ITGBL1: variants seen among roughly 807,000 people sequenced by gnomAD.
ITGBL1 encodes integrin subunit beta like 1, also known as integrin beta-like protein 1.
A neutral mutation model predicts 68.5 loss-of-function variants in ITGBL1; 51 were observed. The ratio of observed to expected loss-of-function variants is 0.74; its 90% CI spans 0.59 to 0.94. The LOEUF is 0.94. Among genes scored for constraint, ITGBL1 ranks in the 40% least tolerant of loss-of-function variants. ITGBL1 has a pLI of 0.00. For synonymous variants in ITGBL1, 209 were observed against 227.3 expected (o/e 0.92, Z 0.72); for missense variants, 649 against 647.4 (o/e 1.00, Z -0.03).
Position 101,714,478 on chromosome 13 carries a change from G to A in ITGBL1, c.1320G>A (p.Glu440=), listed in dbSNP as rs996790086. The change falls in exon 10 of 11, where the codon GAG becomes GAA. Residue 440 remains glutamate (E), a synonymous_variant. Transcript: ENST00000376180. Reference sequence around the variant, plus strand: ...GGAAGTGCATTTGTTCTGCTGAAGAGTGGTATATTTCTGGGGAGTTCTGTG... The same window carrying A: ...GGAAGTGCATTTGTTCTGCTGAAGAATGGTATATTTCTGGGGAGTTCTGTG... The part of the protein sequence containing the change: ...HCGKCICSAE[E]WYISGEFCDC... The A allele has an allele frequency of 6.2e-7, 1 of 1,612,778 alleles. No individual in the cohort carries two copies. The highest frequency in any genetic ancestry group is 8.5e-7 in the Non-Finnish European group (1 of 1,178,886).
chr13:101,530,248 T>C (rs1306925439), intron 2 of ITGBL1, among the ~76,000 whole-genome samples: 1 of 151,978 alleles, frequency 6.6e-6, no homozygotes, highest in African/African-American at 2.4e-5. Context: ...AATGTAATTA[T>C]ATATAGAGAG....
intron 5 of ITGBL1, among the ~76,000 whole-genome samples, chr13:101,582,121 G>A (rs892302070): frequency 2.6e-5 from 4 of 151,916 alleles, no homozygotes; most frequent in Non-Finnish European, 5.9e-5. Flanking sequence ...TTCACTTTGG[G>A]CATATTAATC....
chr13:101,587,368 C>T (rs771767288), intron 6 of ITGBL1, among the ~76,000 whole-genome samples: 1 of 152,160 alleles, frequency 6.6e-6, no homozygotes, highest in African/African-American at 2.4e-5. Context: ...TTTGCCCATA[C>T]ACCAACATGA....
chr13:101,681,311 T>A (rs12872355), intron 7 of ITGBL1, among the ~76,000 whole-genome samples: 3,560 of 152,158 alleles, frequency 0.023, 54 homozygotes, highest in South Asian at 0.038. Flanking sequence ...GTGTGCGTGT[T>A]GCATATTCAG....
chr13:101,690,880 C>T (rs2033869529), intron 7 of ITGBL1, among the ~76,000 whole-genome samples: 1 of 150,380 alleles, frequency 6.6e-6, no homozygotes, highest in South Asian at 2.1e-4. Context: ...TGATTACAAA[C>T]AACAAAACCA....
intron 2 of ITGBL1, among the ~76,000 whole-genome samples, chr13:101,514,007 C>T (rs1333362249): frequency 6.6e-6 from 1 of 151,750 alleles, no homozygotes; most frequent in African/African-American, 2.4e-5. Flanking sequence ...AGTTAATGCC[C>T]TAAATTTAAT....
chr13:101,657,062 CGTCA>C (rs1457024939), intron 7 of ITGBL1, among the ~76,000 whole-genome samples: 2 of 151,744 alleles, frequency 1.3e-5, no homozygotes, highest in Non-Finnish European at 2.9e-5. Flanking sequence ...CCCACTAACT[CGTCA>C]GTATTGCTTC....
chr13:101,560,163 G>C (rs1366904773), intron 2 of ITGBL1, among the ~76,000 whole-genome samples: 1 of 152,138 alleles, frequency 6.6e-6, no homozygotes, highest in East Asian at 1.9e-4. Context: ...TAGAATTCTA[G>C]ATGTTACATT....
intron 7 of ITGBL1, among the ~76,000 whole-genome samples, chr13:101,659,697 G>A (rs1011334066): frequency 2.6e-5 from 4 of 152,136 alleles, no homozygotes; most frequent in Non-Finnish European, 4.4e-5. Context: ...TCCTGACCTC[G>A]TGATCCACCC....
intron 5 of ITGBL1, among the ~76,000 whole-genome samples, chr13:101,582,521 C>A (rs1211936038): frequency 6.6e-6 from 1 of 152,192 alleles, no homozygotes; most frequent in African/African-American, 2.4e-5. Context: ...TTTCCCTCTG[C>A]AAATCTGCAA....
intron 2 of ITGBL1, among the ~76,000 whole-genome samples, chr13:101,504,593 T>C (rs2048997629): frequency 6.6e-6 from 1 of 152,218 alleles, no homozygotes; most frequent in African/African-American, 2.4e-5. Context: ...AGTAAGTTAA[T>C]TTTAGGTAAA....
At chr13:101,478,043 T>G (rs2048562062) in intron 2 of ITGBL1, among the ~76,000 whole-genome samples, 1 of 152,046 alleles carries the variant, frequency 6.6e-6, no homozygotes, top group Non-Finnish European at 1.5e-5. Context: ...GTAAGAAAAC[T>G]ATAGGCCAAT....
chr13:101,602,159 A>G (rs895419057), intron 7 of ITGBL1, among the ~76,000 whole-genome samples: 1 of 152,096 alleles, frequency 6.6e-6, no homozygotes, highest in African/African-American at 2.4e-5. Flanking sequence ...AAGTTTTCTG[A>G]ATGAGACCAT....
intron 7 of ITGBL1, among the ~76,000 whole-genome samples, chr13:101,620,304 CTT>C (rs796679241): frequency 7.2e-5 from 11 of 152,170 alleles, no homozygotes; most frequent in African/African-American, 2.4e-4. Flanking sequence ...TGAATACTAA[CTT>C]AGGATGAAAA....
At chr13:101,637,285 A>T (rs1023269069) in intron 7 of ITGBL1, among the ~76,000 whole-genome samples, 3 of 151,784 alleles carry the variant, frequency 2.0e-5, no homozygotes, top group African/African-American at 7.3e-5. Context: ...AATGTCAAGT[A>T]TGGTTTGAAG....
chr13:101,591,186 A>C (rs1044100346), intron 6 of ITGBL1, among the ~76,000 whole-genome samples: 2 of 152,144 alleles, frequency 1.3e-5, no homozygotes, highest in African/African-American at 4.8e-5. Context: ...TATGGGCGTG[A>C]GTCACCACGT....
chr13:101,605,500 G>T (rs1436504105), intron 7 of ITGBL1, among the ~76,000 whole-genome samples: 1 of 31,948 alleles, frequency 3.1e-5, no homozygotes, highest in Non-Finnish European at 6.3e-5. Context: ...ATATAGACAT[G>T]TATATGCGTA....
At chr13:101,526,618 T>C (rs1230840141) in intron 2 of ITGBL1, among the ~76,000 whole-genome samples, 1 of 151,900 alleles carries the variant, frequency 6.6e-6, no homozygotes, top group Non-Finnish European at 1.5e-5. Context: ...GGCGCTCTTT[T>C]GGTTTGATTT....
intron 7 of ITGBL1, among the ~76,000 whole-genome samples, chr13:101,625,878 T>C (rs577368588): frequency 3.3e-4 from 50 of 152,320 alleles, no homozygotes; most frequent in Middle Eastern, 6.8e-3. Flanking sequence ...TTATTGAGCA[T>C]TTAATGATGC....
Sources: allele counts gnomAD v4.1 joint callset (sites outside exome capture counted in the v4.1 genomes callset), GRCh38; gene constraint gnomAD v4.1.1; transcripts MANE v1.5; gene names NCBI Gene and HGNC (gene_info 2026-07-23, HGNC 2026-07-21).